The following CCBE1 variants were observed in gnomAD, a reference collection of about 807,000 sequenced individuals.
CCBE1 encodes collagen and calcium-binding EGF domain-containing protein 1.
A neutral mutation model predicts 50.0 loss-of-function variants in CCBE1; 37 were observed. The ratio of observed to expected loss-of-function variants is 0.74; its 90% CI spans 0.57 to 0.97. The LOEUF (loss-of-function observed/expected upper bound fraction) is 0.97. Among genes scored for constraint, CCBE1 ranks in the 50% least tolerant of loss-of-function variants. The pLI, the probability that CCBE1 is intolerant of heterozygous loss-of-function variation, is 0.00. For synonymous variants in CCBE1, 234 were observed against 203.7 expected (o/e 1.15, Z -1.27); for missense variants, 538 against 523.8 (o/e 1.03, Z -0.26).
At chr18:59,449,535 C>T (rs4602129) in intron 6 of CCBE1, among the ~76,000 whole-genome samples, 65,918 of 151,064 alleles carry the variant, frequency 0.44, 14,613 homozygotes, top group Middle Eastern at 0.57. Context: ...GGCAGGAGAA[C>T]TGCTTGGACC....
chr18:59,494,883 G>A (rs1040013466), intron 2 of CCBE1, among the ~76,000 whole-genome samples: 2 of 152,214 alleles, frequency 1.3e-5, no homozygotes, highest in Non-Finnish European at 2.9e-5. Context: ...ACCAGGTGCT[G>A]TGGCTCACGC....
In CCBE1 at chr18:59,477,538, C is replaced by CTGTGTGTGTG. The variant is rs55840819; in HGVS notation, c.265+2638_265+2647dup. On this transcript the variant is annotated intron_variant, in intron 3 of 10. Transcript: ENST00000439986. Reference sequence around the variant, plus strand: ...CTTTCCATGGATTATTTCCATGTCTCTGTGTGTGTGTGTGTGTGTGTGTGT... The same window carrying CTGTGTGTGTG: ...CTTTCCATGGATTATTTCCATGTCTCTGTGTGTGTGTGTGTGTGTGTGTGTGTGTGTGTGT... Among the ~76,000 whole-genome samples the CTGTGTGTGTG allele has an allele frequency of 1.4e-3, 211 of 149,994 alleles. 2 individuals carry two copies. The East Asian group carries it at 0.015, about 10-fold the overall frequency.
intron 7 of CCBE1, among the ~76,000 whole-genome samples, chr18:59,441,604 C>T (rs1331573518): frequency 6.6e-6 from 1 of 151,886 alleles, no homozygotes; most frequent in Non-Finnish European, 1.5e-5. Context: ...AAAATAACAG[C>T]ATGTGAACGG....
intron 2 of CCBE1, among the ~76,000 whole-genome samples, chr18:59,682,508 C>G (rs906914810): frequency 6.6e-6 from 1 of 152,216 alleles, no homozygotes; most frequent in East Asian, 1.9e-4. Flanking sequence ...GAGACCCCCC[C>G]CTTTAGCATC....
chr18:59,519,441 A>AAATTCTGAATG (rs1392125622), intron 2 of CCBE1, among the ~76,000 whole-genome samples: 3 of 152,220 alleles, frequency 2.0e-5, no homozygotes, highest in Admixed American at 2.0e-4. Flanking sequence ...CAACTAATGG[A>AAATTCTGAATG]AATTCTGAAT....
chr18:59,626,401 G>T lies in CCBE1; in HGVS notation c.212+70228C>A, dbSNP rs546750560. ...TGTGGAAAAGGCAGCTGACATGGGG[G>T]TATTTTCAGGGGCAGGAGGGTGAGG... On this transcript the variant is annotated intron_variant, in intron 2 of 10. Coordinates refer to ENST00000439986, the MANE Select transcript of CCBE1 (RefSeq NM_133459.4). Among the ~76,000 whole-genome samples, 5 of 152,304 alleles carry T rather than the reference G, an allele frequency of 3.3e-5. No homozygotes were observed. The South Asian group carries it at 8.3e-4, about 25-fold the overall frequency.
chr18:59,620,438 T>C (rs1182354784), intron 2 of CCBE1, among the ~76,000 whole-genome samples: 1 of 152,146 alleles, frequency 6.6e-6, no homozygotes, highest in Non-Finnish European at 1.5e-5. Context: ...CTCATTATCT[T>C]AGAATGAGTT....
At chr18:59,647,125 G>C (rs1432693901) in intron 2 of CCBE1, among the ~76,000 whole-genome samples, 1 of 152,146 alleles carries the variant, frequency 6.6e-6, no homozygotes, top group Admixed American at 6.5e-5. Flanking sequence ...TAGTTTCCCA[G>C]ACTTTCTCCT....
rs1206169319 is a variant in CCBE1, at chr18:59,433,768, C to T, written c.*2140G>A. The T allele has an allele frequency of 6.6e-6, 1 of 151,778 alleles. No individual in the cohort carries two copies. The highest frequency in any genetic ancestry group is 6.6e-5 in the Admixed American group (1 of 15,220). The allele number at this position is 151,778 out of a possible 1,614,324, so 9.4% of individuals were successfully genotyped here. ...CACAGGCGCCCACCACCACGCCCGACTAATTTTTTGTGTTTTTAGTAGAGA... is the reference window on the plus strand; with the variant it reads ...CACAGGCGCCCACCACCACGCCCGATTAATTTTTTGTGTTTTTAGTAGAGA... On this transcript the variant is annotated 3_prime_UTR_variant, in exon 11 of 11. Transcript: ENST00000439986.
chr18:59,614,319 C>T (rs971059888), intron 2 of CCBE1, among the ~76,000 whole-genome samples: 1 of 152,122 alleles, frequency 6.6e-6, no homozygotes, highest in African/African-American at 2.4e-5. Flanking sequence ...GCAATATTTT[C>T]TATTTTAAAT....
At chr18:59,649,881 G>T (rs867853416) in intron 2 of CCBE1, among the ~76,000 whole-genome samples, 1 of 152,210 alleles carries the variant, frequency 6.6e-6, no homozygotes, top group African/African-American at 2.4e-5. Context: ...CTCTGGCCTG[G>T]AGCTCTGAGC....
intron 2 of CCBE1, among the ~76,000 whole-genome samples, chr18:59,643,304 T>C (rs2054014618): frequency 6.6e-6 from 1 of 152,224 alleles, no homozygotes; most frequent in Non-Finnish European, 1.5e-5. Flanking sequence ...CAAGCCACCA[T>C]CGACACTATT....
intron 2 of CCBE1, among the ~76,000 whole-genome samples, chr18:59,602,041 C>CA (rs10714387): frequency 2.7e-5 from 4 of 148,592 alleles, no homozygotes; most frequent in African/African-American, 4.9e-5. Flanking sequence ...TAAGAAATGC[C>CA]AAAAAAAAGA....
chr18:59,512,450 T>G (rs923295051), intron 2 of CCBE1, among the ~76,000 whole-genome samples: 1 of 152,268 alleles, frequency 6.6e-6, no homozygotes, highest in African/African-American at 2.4e-5. Flanking sequence ...GCCTGCTGCA[T>G]GCCCTGCAAG....
Position 59,535,586 on chromosome 18 carries a change from T to C in CCBE1, c.213-55348A>G, listed in dbSNP as rs183208611. Among the ~76,000 whole-genome samples, 6 of 152,182 alleles carry C rather than the reference T, an allele frequency of 3.9e-5. No individual in the cohort carries two copies. In the East Asian group the frequency reaches 9.7e-4, roughly 25 times the overall value. On this transcript the variant is annotated intron_variant, in intron 2 of 10. Coordinates refer to ENST00000439986, the MANE Select transcript of CCBE1 (RefSeq NM_133459.4). ...AAACTGAGAAATTCAAGTATATGAG[T>C]GTAAGGTCACTGTAGCAATGCTCTT...
chr18:59,589,736 T>C (rs1331926739), intron 2 of CCBE1, among the ~76,000 whole-genome samples: 3 of 143,596 alleles, frequency 2.1e-5, no homozygotes, highest in African/African-American at 8.0e-5. Flanking sequence ...GAGGCAGAGC[T>C]TGCAGTGAGC....
chr18:59,569,850 T>C (rs1322347162), intron 2 of CCBE1, among the ~76,000 whole-genome samples: 1 of 152,142 alleles, frequency 6.6e-6, no homozygotes, highest in African/African-American at 2.4e-5. Flanking sequence ...AGGCTGGTCT[T>C]AAACTCCTGG....
At chr18:59,596,436 C>A (rs1349164484) in intron 2 of CCBE1, among the ~76,000 whole-genome samples, 1 of 152,032 alleles carries the variant, frequency 6.6e-6, no homozygotes, top group Non-Finnish European at 1.5e-5. Context: ...TTTTCAATAC[C>A]TAGATCATTT....
intron 2 of CCBE1, among the ~76,000 whole-genome samples, chr18:59,632,434 T>A (rs535198385): frequency 6.6e-6 from 1 of 152,168 alleles, no homozygotes; most frequent in African/African-American, 2.4e-5. Flanking sequence ...CCACCATGCC[T>A]GGCTAATTTT....
Sources: gnomAD v4.1 joint callset for allele counts (sites outside exome capture counted in the v4.1 genomes callset) on GRCh38, gnomAD v4.1.1 for gene constraint, MANE v1.5 for transcripts, NCBI Gene and HGNC (gene_info 2026-07-23, HGNC 2026-07-21) for gene names.